The following HMG20A variants were observed in gnomAD, a reference collection of about 807,000 sequenced individuals.
The protein encoded by HMG20A is high mobility group 20A, also known as high mobility group protein 20A.
HMG20A carries 17 observed loss-of-function variants against 43.9 expected under a neutral mutation model. That is an observed-to-expected ratio of 0.39 (90% confidence interval 0.27 to 0.58). HMG20A has a LOEUF of 0.58. Ranked by LOEUF, HMG20A falls within the 20% of genes least tolerant of loss-of-function variation. The pLI is 0.59. For missense variants in HMG20A, 341 were observed against 438.2 expected, an observed-to-expected ratio of 0.78 and a Z score of 1.98; for synonymous variants, 132 against 147.5, an observed-to-expected ratio of 0.89 and a Z score of 0.76.
chr15:77,434,660 G>A (rs1384061893), intron 1 of HMG20A, among the ~76,000 whole-genome samples: 1 of 152,206 alleles, frequency 6.6e-6, no homozygotes, highest in Non-Finnish European at 1.5e-5. Flanking sequence ...TAAAGCCACA[G>A]TGAGATACTT....
At chr15:77,423,022 A>T (rs2073387276) in intron 1 of HMG20A, among the ~76,000 whole-genome samples, 1 of 152,228 alleles carries the variant, frequency 6.6e-6, no homozygotes, top group Non-Finnish European at 1.5e-5. Context: ...TGAAAAAAAT[A>T]GAGAATATCA....
the HMG20A span, among the ~76,000 whole-genome samples, chr15:77,508,198 C>G: frequency 6.6e-6 from 1 of 152,144 alleles, no homozygotes; most frequent in African/African-American, 2.4e-5. Context: ...AAGCCTGAAC[C>G]GTCCAGCTAA....
At chr15:77,504,472 AC>A in the HMG20A span, among the ~76,000 whole-genome samples, 2 of 152,160 alleles carry the variant, frequency 1.3e-5, no homozygotes, top group Admixed American at 6.5e-5. Flanking sequence ...TTTGTAAGGA[AC>A]CCTTTGCGCG....
At chr15:77,501,202 T>G in the HMG20A span, among the ~76,000 whole-genome samples, 1 of 152,226 alleles carries the variant, frequency 6.6e-6, no homozygotes. Flanking sequence ...TCCTGCATCC[T>G]TCCCTATGAC....
rs192280928 is a variant in HMG20A at position 77,464,132 on chromosome 15, G to T, written c.90-108G>T. ...TTTACATTTATACAGATTATTGGGG[G>T]AATTAATTCAAGGACTGGCATGTGC... is the stretch of plus-strand genomic sequence containing the variant. On this transcript the variant is annotated intron_variant, in intron 2 of 9. Coordinates refer to ENST00000336216, the MANE Select transcript of HMG20A (RefSeq NM_001304504.2). 9.1e-5 allele frequency: 107 copies of T among 1,178,586 alleles called. No individual in the cohort carries two copies. In the African/African-American group the frequency reaches 1.3e-3, roughly 15 times the overall value. 73.0% of individuals were successfully genotyped at this position (1,178,586 alleles called of 1,614,324 possible).
At chr15:77,473,663 T>C (rs1282321237) in intron 6 of HMG20A, among the ~76,000 whole-genome samples, 2 of 152,372 alleles carry the variant, frequency 1.3e-5, no homozygotes, top group East Asian at 3.9e-4. Context: ...CTGCTGATTA[T>C]TTGAGAAGTG....
chr15:77,465,971 G>A (rs1192698992), intron 3 of HMG20A, among the ~76,000 whole-genome samples: 2 of 152,164 alleles, frequency 1.3e-5, no homozygotes, highest in Admixed American at 6.5e-5. Flanking sequence ...AAGAAGAAAG[G>A]CTGTGGTGAA....
the HMG20A span, among the ~76,000 whole-genome samples, chr15:77,505,970 G>A: frequency 3.8e-4 from 57 of 151,976 alleles, no homozygotes; most frequent in African/African-American, 8.9e-4. Context: ...ATTGGGAGCC[G>A]GTGCCCAGAG....
At chr15:77,494,833 T>G in the HMG20A span, among the ~76,000 whole-genome samples, 3 of 152,232 alleles carry the variant, frequency 2.0e-5, no homozygotes, top group African/African-American at 7.2e-5. Flanking sequence ...CACTCTAGCC[T>G]GAACACTGGT....
chr15:77,455,117 C>T (rs1050618960), intron 1 of HMG20A, among the ~76,000 whole-genome samples: 2 of 151,538 alleles, frequency 1.3e-5, no homozygotes, highest in Non-Finnish European at 2.9e-5. Flanking sequence ...ACCAGAAGTA[C>T]AAATATGCTT....
chr15:77,446,315 C>G (rs1416096506), intron 1 of HMG20A, among the ~76,000 whole-genome samples: 1 of 151,946 alleles, frequency 6.6e-6, no homozygotes, highest in African/African-American at 2.4e-5. Flanking sequence ...AGATTATGAA[C>G]TGTAAAATAA....
chr15:77,491,991 A>G, the HMG20A span, among the ~76,000 whole-genome samples: 64 of 152,356 alleles, frequency 4.2e-4, no homozygotes, highest in African/African-American at 1.4e-3. Context: ...GCAGTGACAT[A>G]AGGAAAACTA....
intron 1 of HMG20A, among the ~76,000 whole-genome samples, chr15:77,449,939 G>A (rs1247262519): frequency 1.3e-5 from 2 of 151,582 alleles, no homozygotes; most frequent in Non-Finnish European, 2.9e-5. Flanking sequence ...AAAATGCCGT[G>A]TTCCACCTAT....
intron 1 of HMG20A, among the ~76,000 whole-genome samples, chr15:77,432,593 G>T (rs2073497343): frequency 6.6e-6 from 1 of 151,850 alleles, no homozygotes; most frequent in African/African-American, 2.4e-5. Context: ...GTAGTGGCAG[G>T]TGCCTGTAAT....
At chr15:77,480,656 A>G (rs1281699767) in intron 9 of HMG20A, among the ~76,000 whole-genome samples, 1 of 151,416 alleles carries the variant, frequency 6.6e-6, no homozygotes, top group East Asian at 1.9e-4. Context: ...CTCAATAAGC[A>G]AAAAAGAGAG....
intron 1 of HMG20A, among the ~76,000 whole-genome samples, chr15:77,432,384 T>C (rs184028485): frequency 2.0e-5 from 3 of 151,848 alleles, no homozygotes; most frequent in Admixed American, 6.6e-5. Context: ...CCAAAGTAAG[T>C]AGAAGAAAGG....
At chr15:77,481,010 G>A (rs2072902041) in intron 9 of HMG20A, among the ~76,000 whole-genome samples, 1 of 152,114 alleles carries the variant, frequency 6.6e-6, no homozygotes, top group Non-Finnish European at 1.5e-5. Context: ...ATGGTCATGG[G>A]TTTGAATCTT....
At chr15:77,423,533 G>T (rs1303362028) in intron 1 of HMG20A, among the ~76,000 whole-genome samples, 1 of 152,128 alleles carries the variant, frequency 6.6e-6, no homozygotes, top group African/African-American at 2.4e-5. Context: ...ATGTAACAAA[G>T]AAAGTGTCAA....
At chr15:77,436,469 TC>T (rs1473355769) in intron 1 of HMG20A, among the ~76,000 whole-genome samples, 1 of 150,130 alleles carries the variant, frequency 6.7e-6, no homozygotes, top group Non-Finnish European at 1.5e-5. Context: ...TTTTTTTCCC[TC>T]CCCCAAGATG....
Sources: allele counts gnomAD v4.1 joint callset (sites outside exome capture counted in the v4.1 genomes callset), GRCh38; gene constraint gnomAD v4.1.1; transcripts MANE v1.5; gene names NCBI Gene and HGNC (gene_info 2026-07-23, HGNC 2026-07-21).